The following ZNF536 variants were observed in gnomAD, a reference collection of about 807,000 sequenced individuals.
ZNF536 encodes zinc finger protein 536.
Under a neutral mutation model 84.5 loss-of-function variants are expected in ZNF536, and 13 were observed. The observed-to-expected ratio is 0.15, with a 90% CI of 0.10 to 0.24. The LOEUF is 0.24. Among genes scored for constraint, ZNF536 ranks in the 10% least tolerant of loss-of-function variants. The pLI, the probability that ZNF536 is intolerant of heterozygous loss-of-function variation, is 1.00. For missense variants in ZNF536, 1,536 were observed against 1,747.5 expected, an observed-to-expected ratio of 0.88 and a Z score of 2.16; for synonymous variants, 811 against 742.5, an observed-to-expected ratio of 1.09 and a Z score of -1.50.
At chr19:30,317,277 G>C (rs913293633) in intron 2 of ZNF536, among the ~76,000 whole-genome samples, 4 of 152,140 alleles carry the variant, frequency 2.6e-5, no homozygotes, top group Admixed American at 2.6e-4. Context: ...GGGGCTTACT[G>C]TCTTGTCTGA....
intron 2 of ZNF536, among the ~76,000 whole-genome samples, chr19:30,503,632 G>A (rs939815536): frequency 6.6e-6 from 1 of 152,230 alleles, no homozygotes; most frequent in Non-Finnish European, 1.5e-5. Flanking sequence ...GAAGATAAGA[G>A]TGCCTCATCA....
intron 1 of ZNF536, among the ~76,000 whole-genome samples, chr19:30,229,838 C>G (rs2022901969): frequency 6.6e-6 from 1 of 152,178 alleles, no homozygotes; most frequent in Middle Eastern, 3.2e-3. Context: ...GAGGAGAAAC[C>G]CGGCTGCCAG....
chr19:30,613,176 C>T, intron 1 of ZNF536, among the ~76,000 whole-genome samples: 1 of 152,140 alleles, frequency 6.6e-6, no homozygotes, highest in African/African-American at 2.4e-5. Flanking sequence ...AACTTTGGGT[C>T]ACTCGGTTAA....
intron 2 of ZNF536, among the ~76,000 whole-genome samples, chr19:30,494,284 G>A (rs80225050): frequency 0.017 from 2,593 of 152,288 alleles, 46 homozygotes; most frequent in African/African-American, 0.042. Context: ...TTACAGCTAA[G>A]GTCAGTGTCC....
chr19:30,651,307 T>C (rs139720781), intron 1 of ZNF536, among the ~76,000 whole-genome samples: 1 of 152,198 alleles, frequency 6.6e-6, no homozygotes, highest in Non-Finnish European at 1.5e-5. Flanking sequence ...AGCGCCCCAG[T>C]TGGGCACTGT....
intron 2 of ZNF536, among the ~76,000 whole-genome samples, chr19:30,528,316 C>G (rs1250783421): frequency 6.6e-6 from 1 of 152,120 alleles, no homozygotes; most frequent in African/African-American, 2.4e-5. Flanking sequence ...AAGCGAGAAC[C>G]AAGAATCCAC....
At chr19:30,278,776 G>A (rs1479504157) in intron 1 of ZNF536, among the ~76,000 whole-genome samples, 1 of 152,038 alleles carries the variant, frequency 6.6e-6, no homozygotes, top group Non-Finnish European at 1.5e-5. Flanking sequence ...CCAGATCCTC[G>A]CTTACTTACA....
chr19:30,672,112 A>C (rs1339077526), intron 1 of ZNF536, among the ~76,000 whole-genome samples: 1 of 152,262 alleles, frequency 6.6e-6, no homozygotes, highest in Non-Finnish European at 1.5e-5. Flanking sequence ...TATTTTATTC[A>C]AAACAAGATA....
At chr19:30,265,977 A>G (rs1348780529) in intron 1 of ZNF536, among the ~76,000 whole-genome samples, 4 of 151,748 alleles carry the variant, frequency 2.6e-5, no homozygotes, top group Admixed American at 1.3e-4. Flanking sequence ...TGCAGCCACA[A>G]CCTCCTGGGC....
Position 30,664,210 on chromosome 19 carries a change from CTCTCTCTCTCTCTCT to C in ZNF536, c.170-46546_170-46532del, listed in dbSNP as rs2050229053. ...GAGGAATTCTTGCTGAGTTTTCTCTCTCTCTCTCTCTCTCTCTCTCTCTCTCTCTCTCTCTCTCTC... is the reference window on the plus strand; with the variant it reads ...GAGGAATTCTTGCTGAGTTTTCTCTCCTCTCTCTCTCTCTCTCTCTCTCTC... On this transcript the variant is annotated intron_variant, in intron 1 of 1. Transcript: ENST00000592773. Among the ~76,000 whole-genome samples the C allele has an allele frequency of 4.9e-4, 4 of 8,154 alleles. No homozygotes were observed. The South Asian group carries it at 8.2e-3, about 17-fold the overall frequency. The allele number at this position is 8,154 out of a possible 152,430, so 5.3% of individuals were successfully genotyped here.
chr19:30,370,252 T>C (rs148130275), upstream of ZNF536, among the ~76,000 whole-genome samples: 794 of 152,334 alleles, frequency 5.2e-3, 10 homozygotes, highest in African/African-American at 0.018. Context: ...CTATACTTTT[T>C]AGGGGAGACC....
intron 2 of ZNF536, among the ~76,000 whole-genome samples, chr19:30,511,044 A>G (rs1331104074): frequency 6.6e-6 from 1 of 152,192 alleles, no homozygotes; most frequent in African/African-American, 2.4e-5. Flanking sequence ...TGGGTGGAGT[A>G]CAAGGATGAC....
intron 2 of ZNF536, among the ~76,000 whole-genome samples, chr19:30,347,979 A>C (rs906387947): frequency 1.3e-5 from 2 of 152,242 alleles, no homozygotes; most frequent in African/African-American, 4.8e-5. Context: ...GGCATGCTGG[A>C]GACGCCCATG....
chr19:30,388,588 T>C (rs759384416), intron 1 of ZNF536, among the ~76,000 whole-genome samples: 36 of 152,194 alleles, frequency 2.4e-4, no homozygotes, highest in Non-Finnish European at 3.8e-4. Context: ...TGGCAGGGCT[T>C]CTTCAACTTC....
rs369855947 is a variant in ZNF536, at chr19:30,631,657, G to A, written c.170-79100G>A. On this transcript the variant is annotated intron_variant, in intron 1 of 1. Transcript: ENST00000592773. ...CCTGGACTGCTGGCCTAGAGTGATCGATGGCTCTTCAAGGGGTGATTCCCT... is the reference window on the plus strand; with the variant it reads ...CCTGGACTGCTGGCCTAGAGTGATCAATGGCTCTTCAAGGGGTGATTCCCT... 2.9e-4 allele frequency among the ~76,000 whole-genome samples: 44 copies of A among 152,272 alleles called. 1 individual carries two copies. The highest frequency in any genetic ancestry group is 6.8e-3 in the Middle Eastern group (2 of 294).
At chr19:30,251,718 T>C (rs2024621520) in intron 1 of ZNF536, among the ~76,000 whole-genome samples, 1 of 152,066 alleles carries the variant, frequency 6.6e-6, no homozygotes, top group South Asian at 2.1e-4. Flanking sequence ...TGTAGTCTTT[T>C]ATTCCTCACT....
At chr19:30,509,730 T>TGGG (rs2055332326) in intron 2 of ZNF536, among the ~76,000 whole-genome samples, 1 of 152,172 alleles carries the variant, frequency 6.6e-6, no homozygotes, top group Non-Finnish European at 1.5e-5. Context: ...CCACAATCAG[T>TGGG]ACACTTTTCT....
intron 1 of ZNF536, among the ~76,000 whole-genome samples, chr19:30,676,767 G>T (rs1366879526): frequency 6.6e-6 from 1 of 152,186 alleles, no homozygotes; most frequent in Non-Finnish European, 1.5e-5. Flanking sequence ...ATTTTAATAT[G>T]ATTTTAAATA....
chr19:30,551,303 T>C (rs888455684), intron 4 of ZNF536, among the ~76,000 whole-genome samples: 5 of 152,128 alleles, frequency 3.3e-5, no homozygotes, highest in Non-Finnish European at 5.9e-5. Flanking sequence ...CTATCAGTAA[T>C]GAAGGAAGGC....
Sources: gnomAD v4.1 joint callset for allele counts (sites outside exome capture counted in the v4.1 genomes callset) on GRCh38, gnomAD v4.1.1 for gene constraint, MANE v1.5 for transcripts, NCBI Gene and HGNC (gene_info 2026-07-23, HGNC 2026-07-21) for gene names.